ALLC: variants seen among roughly 807,000 people sequenced by gnomAD.
The protein encoded by ALLC is probable inactive allantoicase.
A neutral mutation model predicts 45.0 loss-of-function variants in ALLC; 40 were observed. That is an observed-to-expected ratio of 0.89 (90% confidence interval 0.69 to 1.16). The LOEUF (loss-of-function observed/expected upper bound fraction) is 1.16, where lower values mean the gene tolerates loss of function less well. Ranked by LOEUF, ALLC falls within the 50% of genes most tolerant of loss-of-function variation. The probability of loss-of-function intolerance (pLI) is 0.00; values close to 1 mark genes in which losing one functional copy is unlikely to be tolerated. For synonymous variants in ALLC, 176 were observed against 178.1 expected, an observed-to-expected ratio of 0.99 and a Z score of 0.09; for missense variants, 488 against 493.1, an observed-to-expected ratio of 0.99 and a Z score of 0.10.
chr2:3,695,801 T>A lies in ALLC; in HGVS notation c.596T>A (p.Val199Glu). The change falls in exon 8 of 12, where the codon GTG (valine) becomes GAG (glutamate). Residue 199 changes from valine (V) to glutamate (E), a missense_variant. Val to Glu is a moderately radical substitution (Grantham distance 121, BLOSUM62 -2). Coordinates refer to ENST00000252505, the MANE Select transcript of ALLC (RefSeq NM_018436.4). The part of the protein sequence containing the change: ...ATDPKEPADL[V>E]AIAFGGVCVG... The stretch of plus-strand genomic sequence containing the variant: ...GACCCCAAAGAACCTGCAGACCTAG[T>A]GGCCATCGCTTTTGGGGGTGTCTGT... 1.9e-6 allele frequency: 3 copies of A among 1,614,036 alleles called. No homozygotes were observed. The highest frequency in any genetic ancestry group is 2.5e-6 in the Non-Finnish European group (3 of 1,179,884).
At chr2:3,690,510 C>T (rs1667486056) in intron 7 of ALLC, among the ~76,000 whole-genome samples, 1 of 141,116 alleles carries the variant, frequency 7.1e-6, no homozygotes, top group Non-Finnish European at 1.5e-5. Flanking sequence ...CTAATTTTCT[C>T]TGATAGTATG....
At chr2:3,686,029 G>A (rs1176619055) in intron 7 of ALLC, among the ~76,000 whole-genome samples, 2 of 150,856 alleles carry the variant, frequency 1.3e-5, no homozygotes, top group Admixed American at 6.6e-5. Context: ...CTGTGCTTTT[G>A]AGGTCTTACA....
the ALLC span, among the ~76,000 whole-genome samples, chr2:3,652,580 A>ATTTTTTT: frequency 1.1e-5 from 1 of 93,326 alleles, no homozygotes; most frequent in Non-Finnish European, 2.2e-5. Context: ...AAACTTTGTG[A>ATTTTTTT]TTTTTTTTTT....
intron 6 of ALLC, 45 bp from the exon 7 acceptor site, chr2:3,682,894 TTTA>T (rs770103349): frequency 1.3e-6 from 2 of 1,599,272 alleles, no homozygotes; most frequent in South Asian, 2.2e-5. Context: ...GATGACAGAA[TTTA>T]TTGTTTTCAA....
intron 3 of ALLC, among the ~76,000 whole-genome samples, chr2:3,676,844 G>A (rs1667036701): frequency 6.6e-6 from 1 of 151,774 alleles, no homozygotes; most frequent in South Asian, 2.1e-4. Flanking sequence ...CTGGAGTGCA[G>A]TGGCATGATC....
rs761775379 is a variant in ALLC, at chr2:3,695,818, G to T, written c.613G>T (p.Gly205Cys). Residue 205 changes from glycine (G) to cysteine (C), a missense_variant, in exon 8 of 12, where the codon GGT (glycine) becomes TGT (cysteine). Gly to Cys is a radical substitution (Grantham distance 159, BLOSUM62 -3). Transcript: ENST00000252505. ...AGACCTAGTGGCCATCGCTTTTGGG[G>T]GTGTCTGTGTAGGATTTAGTAATGC... Reference protein sequence around the residue: ...PADLVAIAFGGVCVGFSNAKF... With the variant: ...PADLVAIAFGCVCVGFSNAKF... The T allele has an allele frequency of 1.9e-6, 3 of 1,613,914 alleles. No individual in the cohort carries two copies. In the Admixed American group the frequency reaches 5.0e-5, roughly 27 times the overall value.
At chr2:3,649,443 G>A in the ALLC span, among the ~76,000 whole-genome samples, 1 of 152,108 alleles carries the variant, frequency 6.6e-6, no homozygotes, top group Non-Finnish European at 1.5e-5. Flanking sequence ...GGGTTTCACC[G>A]TGTTAGCCAG....
At chr2:3,682,772 G>C (rs6714670) in intron 6 of ALLC, among the ~76,000 whole-genome samples, 170 bp from the exon 7 acceptor site, 2 of 151,972 alleles carry the variant, frequency 1.3e-5, no homozygotes, top group Non-Finnish European at 2.9e-5. Context: ...TGATCCGCCC[G>C]CCTCGGCCTC....
chr2:3,666,080 G>A (rs1408712944), intron 1 of ALLC, among the ~76,000 whole-genome samples: 1 of 152,202 alleles, frequency 6.6e-6, no homozygotes, highest in East Asian at 1.9e-4. Context: ...ATGCACAAAA[G>A]GCCAGCCTGC....
At chr2:3,682,866 G>A in intron 6 of ALLC, 76 bp from the exon 7 acceptor site, 1 of 1,474,852 alleles carries the variant, frequency 6.8e-7, no homozygotes, top group South Asian at 1.2e-5. Context: ...CACACCTTAA[G>A]TGCCACAGAG....
chr2:3,674,547 G>C (rs1305337330), intron 3 of ALLC, among the ~76,000 whole-genome samples: 3 of 152,198 alleles, frequency 2.0e-5, no homozygotes, highest in African/African-American at 7.2e-5. Context: ...CCCTGCTGGC[G>C]TCCTGCTCCT....
the ALLC span, among the ~76,000 whole-genome samples, chr2:3,651,421 GTGTGTGTGTGTGTGTGTGTGT>G: frequency 1.6e-4 from 9 of 57,054 alleles, 1 homozygote; most frequent in African/African-American, 2.7e-4. Context: ...GTGTGTGTGT[GTGTGTGTGTGTGTGTGTGTGT>G]TAGGAAGGGA....
chr2:3,682,279 G>A (rs1271112586), intron 6 of ALLC, among the ~76,000 whole-genome samples: 2 of 152,174 alleles, frequency 1.3e-5, no homozygotes, highest in Non-Finnish European at 2.9e-5. Context: ...TTTCCCCAGA[G>A]GTCATGGAGC....
chr2:3,670,136 C>T (rs554060776), intron 1 of ALLC, among the ~76,000 whole-genome samples: 8 of 152,284 alleles, frequency 5.3e-5, no homozygotes, highest in East Asian at 1.9e-4. Context: ...TGTTCCCATT[C>T]GTGCTCCTGA....
chr2:3,689,645 T>A (rs1365258072), intron 7 of ALLC, among the ~76,000 whole-genome samples: 4 of 151,088 alleles, frequency 2.6e-5, no homozygotes, highest in Admixed American at 6.6e-5. Flanking sequence ...TTCTAGAGAA[T>A]GTTCCATGTG....
chr2:3,651,427 GTGTGTGTGTGTGTGT>G, the ALLC span, among the ~76,000 whole-genome samples: 13 of 59,430 alleles, frequency 2.2e-4, no homozygotes, highest in South Asian at 8.2e-4. Context: ...GTGTGTGTGT[GTGTGTGTGTGTGTGT>G]TAGGAAGGGA....
chr2:3,665,589 T>G (rs1666684147), intron 1 of ALLC, among the ~76,000 whole-genome samples: 4 of 152,200 alleles, frequency 2.6e-5, no homozygotes, highest in African/African-American at 9.7e-5. Flanking sequence ...CTGCGTTAGT[T>G]TGCTGAGGAT....
Position 3,701,493 on chromosome 2 carries a change from CTG to C in ALLC, c.851-15_851-14del, listed in dbSNP as rs781759022. 7 of 1,569,716 alleles carry C rather than the reference CTG, an allele frequency of 4.5e-6. No individual in the cohort carries two copies. The Admixed American group carries it at 9.1e-5, about 20-fold the overall frequency. On this transcript the variant is annotated splice_polypyrimidine_tract_variant and intron_variant, in intron 10 of 11. Transcript: ENST00000252505. ...GTGCAAATGCGGGCAGAAAATCACG[CTG>C]TGTTTTGCTCCAACAGGCAATGCTC...
intron 1 of ALLC, among the ~76,000 whole-genome samples, chr2:3,659,125 C>T (rs1426502241): frequency 2.6e-5 from 4 of 152,108 alleles, no homozygotes; most frequent in Non-Finnish European, 5.9e-5. Context: ...AAGGCTTCTT[C>T]GGAACTTATT....
Sources: allele counts gnomAD v4.1 joint callset (sites outside exome capture counted in the v4.1 genomes callset), GRCh38; gene constraint gnomAD v4.1.1; transcripts MANE v1.5; gene names NCBI Gene and HGNC (gene_info 2026-07-23, HGNC 2026-07-21).